The following CDH9 variants were observed in gnomAD, a reference collection of about 807,000 sequenced individuals.
CDH9 encodes the protein cadherin 9, also known as cadherin-9.
CDH9 carries 28 observed loss-of-function variants against 70.9 expected under a neutral mutation model. That is an observed-to-expected ratio of 0.40 (90% CI 0.29 to 0.54). The LOEUF is 0.54. CDH9 is among the 20% of genes least tolerant of loss of function. The pLI is 0.59. For missense variants in CDH9, 874 were observed against 984.4 expected, an observed-to-expected ratio of 0.89 and a Z score of 1.50; for synonymous variants, 409 against 343.1, an observed-to-expected ratio of 1.19 and a Z score of -2.12.
rs1321030506 is a variant in CDH9 at position 27,027,000 on chromosome 5, G to A, written c.-50+11463C>T. ...TGTTAATGCAATTCAAGACTAAAAG[G>A]GGGAAGTCGTAAATAGATTAAAAAA... On this transcript the variant is annotated intron_variant, in intron 1 of 11. Transcript: ENST00000231021. 4.6e-5 allele frequency among the ~76,000 whole-genome samples: 7 copies of A among 151,796 alleles called. No individual in the cohort carries two copies. The East Asian group carries it at 1.4e-3, about 29-fold the overall frequency.
intron 10 of CDH9, 50 bp from the exon 11 acceptor site, chr5:26,885,915 A>G: frequency 6.2e-7 from 1 of 1,600,952 alleles, no homozygotes; most frequent in Middle Eastern, 1.7e-4. Flanking sequence ...TTTGTTTTTA[A>G]CTGTGTATCT....
chr5:26,966,393 G>A (rs1352740974), intron 2 of CDH9, among the ~76,000 whole-genome samples: 1 of 152,066 alleles, frequency 6.6e-6, no homozygotes, highest in Non-Finnish European at 1.5e-5. Flanking sequence ...GCCTCCCAGG[G>A]AACAATCAAT....
intron 1 of CDH9, among the ~76,000 whole-genome samples, chr5:27,036,877 A>C (rs969507902): frequency 6.6e-6 from 1 of 151,982 alleles, no homozygotes; most frequent in African/African-American, 2.4e-5. Flanking sequence ...GACTACAAAC[A>C]CATGCTATTT....
At chr5:27,000,425 G>T (rs887207192) in intron 1 of CDH9, among the ~76,000 whole-genome samples, 8 of 152,080 alleles carry the variant, frequency 5.3e-5, no homozygotes, top group African/African-American at 1.9e-4. Flanking sequence ...AATGCAAAAT[G>T]ATACTGCCAC....
intron 2 of CDH9, among the ~76,000 whole-genome samples, chr5:26,974,724 G>A (rs1226513102): frequency 1.3e-5 from 2 of 152,048 alleles, no homozygotes; most frequent in African/African-American, 2.4e-5. Flanking sequence ...TACTTAAGGT[G>A]TACAATATGA....
intron 2 of CDH9, among the ~76,000 whole-genome samples, chr5:26,923,099 A>C (rs550301767): frequency 3.4e-5 from 5 of 147,192 alleles, no homozygotes; most frequent in Non-Finnish European, 4.5e-5. Context: ...CAAAAAAAAA[A>C]CAAGACCCAA....
intron 1 of CDH9, among the ~76,000 whole-genome samples, chr5:26,993,235 A>T (rs1742611048): frequency 6.6e-6 from 1 of 152,308 alleles, no homozygotes; most frequent in African/African-American, 2.4e-5. Flanking sequence ...AGAAAAGGGT[A>T]TCCTTGTTAT....
intron 7 of CDH9, among the ~76,000 whole-genome samples, chr5:26,901,510 T>C (rs953992296): frequency 6.6e-6 from 1 of 151,954 alleles, no homozygotes; most frequent in Admixed American, 6.6e-5. Context: ...AATGGTTATA[T>C]ATTTAGTATT....
chr5:26,919,487 T>C (rs1276311053), intron 2 of CDH9, among the ~76,000 whole-genome samples: 4 of 152,134 alleles, frequency 2.6e-5, no homozygotes. Flanking sequence ...TGAAGGGCCG[T>C]CTAGGCCACA....
intron 1 of CDH9, among the ~76,000 whole-genome samples, chr5:27,023,185 A>C (rs906853765): frequency 6.6e-6 from 1 of 152,078 alleles, no homozygotes; most frequent in Non-Finnish European, 1.5e-5. Context: ...CTAATGGTGT[A>C]ATGTATATGG....
At chr5:26,894,968 T>A (rs1463746853) in intron 7 of CDH9, among the ~76,000 whole-genome samples, 1 of 152,108 alleles carries the variant, frequency 6.6e-6, no homozygotes, top group African/African-American at 2.4e-5. Flanking sequence ...ATTTGCTTTA[T>A]ATTTTTATGT....
At chr5:26,981,686 A>G (rs896058709) in intron 2 of CDH9, among the ~76,000 whole-genome samples, 4 of 152,102 alleles carry the variant, frequency 2.6e-5, no homozygotes, top group African/African-American at 9.7e-5. Context: ...ATATGACATA[A>G]TATGACATGG....
intron 2 of CDH9, among the ~76,000 whole-genome samples, chr5:26,962,115 T>C (rs1742047129): frequency 6.6e-6 from 1 of 152,186 alleles, no homozygotes; most frequent in African/African-American, 2.4e-5. Context: ...CTGATAATGA[T>C]GGTTTCCAGC....
chr5:27,010,868 T>G (rs1742944048), intron 1 of CDH9, among the ~76,000 whole-genome samples: 1 of 152,120 alleles, frequency 6.6e-6, no homozygotes, highest in African/African-American at 2.4e-5. Flanking sequence ...AAGCAAATGT[T>G]TATTCTTGTT....
intron 2 of CDH9, among the ~76,000 whole-genome samples, chr5:26,946,585 A>C (rs2112041846): frequency 6.6e-6 from 1 of 152,318 alleles, no homozygotes; most frequent in Admixed American, 6.5e-5. Context: ...TAAAGGTAAT[A>C]GCTTTAAAGC....
At chr5:26,899,454 T>C (rs986926060) in intron 7 of CDH9, among the ~76,000 whole-genome samples, 3 of 152,062 alleles carry the variant, frequency 2.0e-5, no homozygotes, top group Admixed American at 6.6e-5. Flanking sequence ...ATATACACCA[T>C]GGAATACTAT....
At chr5:26,947,903 A>G (rs116575776) in intron 2 of CDH9, among the ~76,000 whole-genome samples, 178 of 152,298 alleles carry the variant, frequency 1.2e-3, no homozygotes, top group African/African-American at 4.1e-3. Flanking sequence ...GGGATCTCCA[A>G]GATGTAGGGT....
chr5:26,883,586 A>G (rs2111964616), intron 11 of CDH9, among the ~76,000 whole-genome samples: 1 of 152,218 alleles, frequency 6.6e-6, no homozygotes, highest in East Asian at 1.9e-4. Context: ...TTCATATTGC[A>G]TTACAGTTTG....
At chr5:27,026,479 C>T (rs984253706) in intron 1 of CDH9, among the ~76,000 whole-genome samples, 2 of 151,948 alleles carry the variant, frequency 1.3e-5, no homozygotes, top group Non-Finnish European at 2.9e-5. Context: ...TAAAGCTCTA[C>T]TTACCTCTCC....
Sources: gnomAD v4.1 joint callset for allele counts (sites outside exome capture counted in the v4.1 genomes callset) on GRCh38, gnomAD v4.1.1 for gene constraint, MANE v1.5 for transcripts, NCBI Gene and HGNC (gene_info 2026-07-23, HGNC 2026-07-21) for gene names.